Variants in DMD observed in about 807,000 individuals in gnomAD.
DMD encodes dystrophin, also known as mutant dystrophin.
Under a neutral mutation model 330.1 loss-of-function variants are expected in DMD, and 63 were observed. The observed-to-expected ratio is 0.19, with a 90% CI of 0.16 to 0.24. DMD has a LOEUF of 0.24. Among genes scored for constraint, DMD ranks in the 10% least tolerant of loss-of-function variants. The pLI, the probability that DMD is intolerant of heterozygous loss-of-function variation, is 1.00. For missense variants in DMD, 3,344 were observed against 2,684.1 expected (o/e 1.25, Z -5.43); for synonymous variants, 1,223 against 959.8 (o/e 1.27, Z -5.07).
intron 47 of DMD, among the ~76,000 whole-genome samples, chrX:31,892,707 C>A (rs766771043): frequency 9.0e-6 from 1 of 111,570 alleles, no homozygotes; most frequent in Non-Finnish European, 1.9e-5. Flanking sequence ...ACAGGAAATT[C>A]TAACATAGTG....
chrX:32,893,864 G>T (rs1220532650), intron 2 of DMD, among the ~76,000 whole-genome samples: 1 of 111,330 alleles, frequency 9.0e-6, no homozygotes, highest in African/African-American at 3.3e-5. Context: ...GGTCAACGGG[G>T]TGTTAAGAAA....
In DMD at chrX:32,826,955, AT is replaced by A. The variant is rs200526532; in HGVS notation, c.265-3569del. Among the ~76,000 whole-genome samples, 36 of 109,294 alleles carry A rather than the reference AT, an allele frequency of 3.3e-4. No homozygotes were observed. In the East Asian group the frequency reaches 4.9e-3, roughly 15 times the overall value. 94.9% of individuals were successfully genotyped at this position (109,294 alleles called of 115,157 possible). A position where few individuals can be genotyped will look rare whatever the true frequency, so the allele number is the denominator to read the frequency against. ...AATCATATGCTACATGGTATATACA[AT>A]TTTTTTTGCTAATTAAAAAATAAAA... On this transcript the variant is annotated intron_variant, in intron 4 of 78. Transcript: ENST00000357033.
At chrX:31,835,954 G>C (rs1321951970) in intron 49 of DMD, among the ~76,000 whole-genome samples, 1 of 111,619 alleles carries the variant, frequency 9.0e-6, no homozygotes, top group African/African-American at 3.3e-5. Context: ...ATCATAATGG[G>C]AGCCATTATA....
At position 31,394,237 on chromosome X, in the gene DMD, T is replaced by A. The variant is rs182027929; in HGVS notation, c.9085-45603A>T. Among the ~76,000 whole-genome samples the A allele has an allele frequency of 3.6e-5, 4 of 112,377 alleles. No individual in the cohort carries two copies. In the Admixed American group the frequency reaches 3.8e-4, roughly 11 times the overall value. On this transcript the variant is annotated intron_variant, in intron 60 of 78. Transcript: ENST00000357033. ...GATATGAAGATTGTGATATAAGAAT[T>A]GTTAGGTGACTACAGCTCTGATGGA...
In DMD at chrX:33,010,259, C is replaced by G. The variant is rs2093669874; in HGVS notation, c.93+9880G>C. Among the ~76,000 whole-genome samples, 3 of 86,364 alleles carry G rather than the reference C, an allele frequency of 3.5e-5. No individual in the cohort carries two copies. In the South Asian group the frequency reaches 1.6e-3, roughly 47 times the overall value. 75.0% of individuals were successfully genotyped at this position (86,364 alleles called of 115,157 possible). A position where few individuals can be genotyped will look rare whatever the true frequency, so the allele number is the denominator to read the frequency against. ...ATGTACATATGTGTGTATATATGTA[C>G]AAATATGTGTGTATATGTACATATA... On this transcript the variant is annotated intron_variant, in intron 2 of 78. Coordinates refer to ENST00000357033, the MANE Select transcript of DMD (RefSeq NM_004006.3).
intron 44 of DMD, among the ~76,000 whole-genome samples, chrX:32,112,410 AG>A (rs1271152317): frequency 2.7e-5 from 3 of 111,919 alleles, no homozygotes; most frequent in African/African-American, 9.7e-5. Context: ...GCAATTAAAT[AG>A]GCAATGCAAA....
intron 37 of DMD, among the ~76,000 whole-genome samples, chrX:32,352,927 T>C (rs2097786678): frequency 9.0e-6 from 1 of 110,967 alleles, no homozygotes; most frequent in Non-Finnish European, 1.9e-5. Flanking sequence ...AAATAAATTT[T>C]CCATCCTTAA....
intron 18 of DMD, among the ~76,000 whole-genome samples, chrX:32,506,252 G>A (rs1210197158): frequency 9.1e-6 from 1 of 110,475 alleles, no homozygotes; most frequent in Non-Finnish European, 1.9e-5. Flanking sequence ...TGTTGACAGT[G>A]GGGCAGGCTA....
chrX:33,074,588 G>T (rs140984838), intron 1 of DMD, among the ~76,000 whole-genome samples: 1,283 of 110,786 alleles, frequency 0.012, 10 homozygotes, highest in Non-Finnish European at 0.017. Flanking sequence ...TGCCCTAATG[G>T]ATTAATGAGT....
At chrX:31,160,522 T>C (rs1294337133) in intron 74 of DMD, among the ~76,000 whole-genome samples, 1 of 111,849 alleles carries the variant, frequency 8.9e-6, no homozygotes, top group Non-Finnish European at 1.9e-5. Flanking sequence ...CAAAGTTTAC[T>C]TCAGACTTGA....
rs1210693923 is a variant in DMD at position 31,425,202 on chromosome X, T to C, written c.9084+19279A>G. Among the ~76,000 whole-genome samples the C allele has an allele frequency of 4.5e-5, 5 of 112,145 alleles. No individual in the cohort carries two copies. The East Asian group carries it at 1.4e-3, about 31-fold the overall frequency. On this transcript the variant is annotated intron_variant, in intron 60 of 78. Transcript: ENST00000357033. Reference sequence around the variant, plus strand: ...CCTGAAGGGACAGCTTGCAATTCCATATACAGGTATAATAAAAGCAAGATG... The same window carrying C: ...CCTGAAGGGACAGCTTGCAATTCCACATACAGGTATAATAAAAGCAAGATG...
At chrX:31,252,572 T>C (rs16998162) in intron 63 of DMD, among the ~76,000 whole-genome samples, 2,862 of 111,864 alleles carry the variant, frequency 0.026, 81 homozygotes, top group African/African-American at 0.088. Flanking sequence ...CTCAAAGGGA[T>C]GACAGGACAA....
At chrX:31,408,855 T>C (rs2061517350) in intron 60 of DMD, among the ~76,000 whole-genome samples, 1 of 112,157 alleles carries the variant, frequency 8.9e-6, no homozygotes, top group South Asian at 3.7e-4. Flanking sequence ...TACATATGTA[T>C]ACATGTGCCA....
intron 61 of DMD, among the ~76,000 whole-genome samples, chrX:31,332,109 ACTTG>A (rs1340704293): frequency 8.9e-6 from 1 of 112,158 alleles, no homozygotes; most frequent in Non-Finnish European, 1.9e-5. Flanking sequence ...TGACCATGTG[ACTTG>A]CTTTAGCAGA....
chrX:31,311,169 C>A (rs1343313472), intron 62 of DMD, among the ~76,000 whole-genome samples: 1 of 110,417 alleles, frequency 9.1e-6, no homozygotes, highest in Non-Finnish European at 1.9e-5. Context: ...TGACTTATAG[C>A]CACAGACCAT....
At chrX:33,008,283 T>C (rs2093436740) in intron 2 of DMD, among the ~76,000 whole-genome samples, 2 of 111,820 alleles carry the variant, frequency 1.8e-5, no homozygotes, top group South Asian at 7.3e-4. Context: ...GCCCTCCATG[T>C]GCATTACAAG....
In DMD at chrX:31,899,088, T is replaced by C. The variant is rs145722624; in HGVS notation, c.6913-23715A>G. On this transcript the variant is annotated intron_variant, in intron 47 of 78. Coordinates refer to ENST00000357033, the MANE Select transcript of DMD (RefSeq NM_004006.3). The stretch of plus-strand genomic sequence containing the variant: ...ATGTAAAAATTAAATTATTAAAATA[T>C]ATCAGAAAAGTATGTGGAATACATT... Among the ~76,000 whole-genome samples the C allele has an allele frequency of 9.5e-3, 1,070 of 112,072 alleles. 12 individuals carry two copies. Among genetic ancestry groups the C allele is most frequent in the African/African-American group, 0.033 (1,014 of 30,947 alleles).
intron 43 of DMD, among the ~76,000 whole-genome samples, chrX:32,249,557 T>C (rs1380376729): frequency 9.0e-6 from 1 of 111,396 alleles, no homozygotes; most frequent in East Asian, 2.9e-4. Context: ...CTATTTTACT[T>C]ATGAGAAAAT....
chrX:31,623,924 G>A (rs2078699224), intron 55 of DMD, among the ~76,000 whole-genome samples: 1 of 110,714 alleles, frequency 9.0e-6, no homozygotes, highest in Non-Finnish European at 1.9e-5. Flanking sequence ...ATCTCTCAGG[G>A]GTACTTAGAG....
Sources: allele counts gnomAD v4.1 joint callset (sites outside exome capture counted in the v4.1 genomes callset), GRCh38; gene constraint gnomAD v4.1.1; transcripts MANE v1.5; gene names NCBI Gene and HGNC (gene_info 2026-07-23, HGNC 2026-07-21).